Variants in STAG1 observed in about 807,000 individuals in gnomAD.
STAG1 encodes the protein STAG1 cohesin complex component.
Under a neutral mutation model 170.9 loss-of-function variants are expected in STAG1, and 26 were observed. That is an observed-to-expected ratio of 0.15 (90% CI 0.11 to 0.21). STAG1 has a LOEUF of 0.21. STAG1 is among the 10% of genes least tolerant of loss of function. STAG1 has a pLI of 1.00. For missense variants in STAG1, 964 were observed against 1,509.5 expected (o/e 0.64, Z 5.99); for synonymous variants, 514 against 497.7 (o/e 1.03, Z -0.44).
intron 5 of STAG1, among the ~76,000 whole-genome samples, chr3:136,552,393 A>ATTATAAATAAT (rs1936443240): frequency 6.6e-6 from 1 of 152,238 alleles, no homozygotes; most frequent in African/African-American, 2.4e-5. Flanking sequence ...TTATAATGAT[A>ATTATAAATAAT]TTGTAAACAA....
At chr3:136,687,666 T>C (rs1378234093) in intron 1 of STAG1, among the ~76,000 whole-genome samples, 1 of 152,132 alleles carries the variant, frequency 6.6e-6, no homozygotes, top group African/African-American at 2.4e-5. Context: ...TTTTCCCCTT[T>C]GGCAAGAGAC....
rs201470923 is a variant in STAG1 at position 136,422,578 on chromosome 3, A to C, written c.1869T>G (p.Val623=). ...CATCTGATTCTACGTGTTTCTCCACAACAAACTTAATCTGTTTTAATAAAG... is the reference window on the plus strand; with the variant it reads ...CATCTGATTCTACGTGTTTCTCCACCACAAACTTAATCTGTTTTAATAAAG... ...LDALLKQIKF[V]VEKHVESDVL... The change falls in exon 19 of 34, where the codon GTT becomes GTG. Residue 623 remains valine, a synonymous_variant. Coordinates refer to ENST00000383202, the MANE Select transcript of STAG1 (RefSeq NM_005862.3). The C allele has an allele frequency of 8.3e-5, 134 of 1,614,050 alleles. No homozygotes were observed. In the East Asian group the frequency reaches 3.0e-3, roughly 36 times the overall value.
chr3:136,395,318 T>C (rs1398551719), intron 22 of STAG1, among the ~76,000 whole-genome samples: 2 of 152,022 alleles, frequency 1.3e-5, no homozygotes, highest in Admixed American at 6.6e-5. Context: ...TTATGGAATA[T>C]AGTTGTAAAA....
intron 23 of STAG1, among the ~76,000 whole-genome samples, chr3:136,372,398 G>T (rs188444180): frequency 1.3e-5 from 2 of 152,158 alleles, no homozygotes; most frequent in African/African-American, 2.4e-5. Context: ...GAATAGGAGT[G>T]GTGAGAGAGG....
Position 136,540,108 on chromosome 3 carries a change from T to C in STAG1, c.471+2011A>G, listed in dbSNP as rs1308108661. ...AAAACCAAATGACATATATAGTCTT[T>C]TGAAGAAAAAAATGTAATAAACTTC... On this transcript the variant is annotated intron_variant, in intron 6 of 33. Transcript: ENST00000383202. 2.0e-5 allele frequency among the ~76,000 whole-genome samples: 3 copies of C among 152,098 alleles called. No individual in the cohort carries two copies. The East Asian group carries it at 5.8e-4, about 29-fold the overall frequency.
intron 1 of STAG1, among the ~76,000 whole-genome samples, chr3:136,663,158 G>C (rs1341987658): frequency 6.6e-6 from 1 of 151,930 alleles, no homozygotes; most frequent in African/African-American, 2.4e-5. Flanking sequence ...CTGTGTAAGA[G>C]GATAAAAAAG....
At chr3:136,426,626 G>T (rs190672100) in intron 16 of STAG1, among the ~76,000 whole-genome samples, 75 of 152,220 alleles carry the variant, frequency 4.9e-4, no homozygotes, top group Non-Finnish European at 3.2e-4. Flanking sequence ...ATTCGCACAT[G>T]ACAGCAATGT....
At chr3:136,422,682 TCAAATAA>T in intron 18 of STAG1, 69 bp from the exon 19 acceptor site, 1 of 1,541,200 alleles carries the variant, frequency 6.5e-7, no homozygotes, top group African/African-American at 1.4e-5. Flanking sequence ...TTAGCATCTG[TCAAATAA>T]CAAGTCTATA....
At chr3:136,622,840 A>C (rs1939927369) in intron 3 of STAG1, among the ~76,000 whole-genome samples, 1 of 152,224 alleles carries the variant, frequency 6.6e-6, no homozygotes, top group South Asian at 2.1e-4. Flanking sequence ...AAGAAATCAG[A>C]GTTGCATCTG....
intron 9 of STAG1, among the ~76,000 whole-genome samples, chr3:136,479,130 GGTTA>G (rs1460609178): frequency 2.5e-4 from 37 of 146,484 alleles, no homozygotes; most frequent in African/African-American, 8.1e-4. Flanking sequence ...ACATTGTGCA[GGTTA>G]GTTACATATG....
chr3:136,536,217 A>T (rs1935613778), intron 6 of STAG1, among the ~76,000 whole-genome samples: 1 of 152,200 alleles, frequency 6.6e-6, no homozygotes, highest in Non-Finnish European at 1.5e-5. Flanking sequence ...CAATCTAAAA[A>T]GATTATCCCA....
chr3:136,364,401 T>C (rs369189306), intron 25 of STAG1, among the ~76,000 whole-genome samples: 4 of 152,094 alleles, frequency 2.6e-5, no homozygotes, highest in East Asian at 3.8e-4. Flanking sequence ...TATAACATGA[T>C]TGAACAGACA....
At chr3:136,610,227 G>A (rs1220550925) in intron 3 of STAG1, among the ~76,000 whole-genome samples, 3 of 151,874 alleles carry the variant, frequency 2.0e-5, no homozygotes, top group Non-Finnish European at 4.4e-5. Context: ...AGTAGAGATG[G>A]GATTTCACCA....
chr3:136,369,706 T>G (rs191384750), intron 23 of STAG1, among the ~76,000 whole-genome samples: 1 of 152,284 alleles, frequency 6.6e-6, no homozygotes, highest in Non-Finnish European at 1.5e-5. Flanking sequence ...TAGCATAAAA[T>G]TTGAAACTCT....
intron 1 of STAG1, among the ~76,000 whole-genome samples, chr3:136,695,821 A>G (rs1031259405): frequency 6.6e-6 from 1 of 150,560 alleles, no homozygotes; most frequent in South Asian, 2.1e-4. Context: ...GGGGAAAAAA[A>G]GCAACACACA....
chr3:136,599,193 C>T (rs772139396), intron 4 of STAG1, among the ~76,000 whole-genome samples: 8 of 151,996 alleles, frequency 5.3e-5, no homozygotes, highest in Non-Finnish European at 1.0e-4. Flanking sequence ...AAATGCCCAA[C>T]AATAATAGAC....
At chr3:136,681,614 C>T (rs943163802) in intron 1 of STAG1, among the ~76,000 whole-genome samples, 2 of 152,106 alleles carry the variant, frequency 1.3e-5, no homozygotes, top group African/African-American at 4.8e-5. Context: ...AAAAAGATAA[C>T]TTCATTTTTC....
rs1258033243 is a variant in STAG1 at position 136,498,052 on chromosome 3, C to T, written c.902+2171G>A. Among the ~76,000 whole-genome samples the T allele has an allele frequency of 3.4e-5, 5 of 149,016 alleles. No individual in the cohort carries two copies. In the South Asian group the frequency reaches 6.4e-4, roughly 19 times the overall value. ...TACTAAAAATACAAAATTAGCTGGGCGTGGCAGAGCATGCCTGTAATCCCA... is the reference window on the plus strand; with the variant it reads ...TACTAAAAATACAAAATTAGCTGGGTGTGGCAGAGCATGCCTGTAATCCCA... On this transcript the variant is annotated intron_variant, in intron 9 of 33. Transcript: ENST00000383202.
intron 14 of STAG1, 97 bp from the exon 15 acceptor site, chr3:136,443,501 G>T: frequency 1.1e-6 from 1 of 876,086 alleles, no homozygotes; most frequent in Non-Finnish European, 1.8e-6. Context: ...TAATTAAAAT[G>T]GCTTGGTTTC....
Sources: allele counts gnomAD v4.1 joint callset (sites outside exome capture counted in the v4.1 genomes callset), GRCh38; gene constraint gnomAD v4.1.1; transcripts MANE v1.5; gene names NCBI Gene and HGNC (gene_info 2026-07-23, HGNC 2026-07-21).